The following ZSCAN5A variants were observed in gnomAD, a reference collection of about 807,000 sequenced individuals.
The protein encoded by ZSCAN5A is zinc finger and SCAN domain-containing protein 5A.
A neutral mutation model predicts 23.7 loss-of-function variants in ZSCAN5A; 12 were observed. The ratio of observed to expected loss-of-function variants is 0.51; its 90% CI spans 0.32 to 0.82. The LOEUF is 0.82. ZSCAN5A is among the 40% of genes least tolerant of loss of function. ZSCAN5A has a pLI of 0.03. For missense variants in ZSCAN5A, 597 were observed against 617.9 expected, an observed-to-expected ratio of 0.97 and a Z score of 0.36; for synonymous variants, 257 against 239.9, an observed-to-expected ratio of 1.07 and a Z score of -0.66.
chr19:56,237,465 AG>A (rs1475880033), intron 2 of ZSCAN5A, among the ~76,000 whole-genome samples: 1 of 151,948 alleles, frequency 6.6e-6, no homozygotes, highest in African/African-American at 2.4e-5. Context: ...GTACGTGTTC[AG>A]GGCGGGTTTA....
intron 1 of ZSCAN5A, among the ~76,000 whole-genome samples, chr19:56,313,685 A>C (rs183850739): frequency 6.6e-6 from 1 of 152,230 alleles, no homozygotes; most frequent in African/African-American, 2.4e-5. Context: ...CCAGATGATT[A>C]TATGTCCAGG....
Position 56,225,179 on chromosome 19 carries a change from G to A in ZSCAN5A, c.-127-6C>T. On this transcript the variant is annotated splice_region_variant and splice_polypyrimidine_tract_variant and intron_variant, in intron 2 of 5. Coordinates refer to ENST00000683990, the MANE Select transcript of ZSCAN5A (RefSeq NM_001322064.3). ...TTCACTGTTCATTCAGAAGTCTGGG[G>A]GGGAAAAGTATGAGCCTCATTAGTT... The A allele has an allele frequency of 2.2e-6, 3 of 1,374,838 alleles. No individual in the cohort carries two copies. Among genetic ancestry groups the A allele is most frequent in the Non-Finnish European group, 2.8e-6 (3 of 1,073,014 alleles). The allele number at this position is 1,374,838 out of a possible 1,614,324, so 85.2% of individuals were successfully genotyped here. A position where few individuals can be genotyped will look rare whatever the true frequency, so the allele number is the denominator to read the frequency against.
chr19:56,342,526 A>G, intron 2 of ZSCAN5A: 1 of 353,370 alleles, frequency 2.8e-6, no homozygotes, highest in Admixed American at 3.1e-5. Flanking sequence ...ATCTCCAGGA[A>G]GAATGGACCA....
At chr19:56,268,982 T>C (rs138481335) in intron 2 of ZSCAN5A, among the ~76,000 whole-genome samples, 2,320 of 152,358 alleles carry the variant, frequency 0.015, 25 homozygotes, top group Non-Finnish European at 0.023. Context: ...TACAGTTGAA[T>C]AATATCCTAT....
chr19:56,228,672 G>A (rs1432330902), intron 2 of ZSCAN5A, among the ~76,000 whole-genome samples: 1 of 151,970 alleles, frequency 6.6e-6, no homozygotes, highest in Non-Finnish European at 1.5e-5. Context: ...TCTAGTTTGA[G>A]CAAAGCTCTC....
At chr19:56,346,719 T>G (rs2041636168) in intron 2 of ZSCAN5A, among the ~76,000 whole-genome samples, 1 of 150,576 alleles carries the variant, frequency 6.6e-6, no homozygotes, top group South Asian at 2.1e-4. Context: ...TATTTTTTAT[T>G]TTTTTTTTAG....
chr19:56,351,791 T>C lies in ZSCAN5A; in HGVS notation c.-358+11444A>G, dbSNP rs960647746. 2.6e-5 allele frequency among the ~76,000 whole-genome samples: 4 copies of C among 152,154 alleles called. No individual in the cohort carries two copies. Among genetic ancestry groups the C allele is most frequent in the Non-Finnish European group, 4.4e-5 (3 of 68,018 alleles). On this transcript the variant is annotated intron_variant, in intron 2 of 6. Coordinates refer to the ZSCAN5A transcript ENST00000587340. This position sits in a 1 kb window ranked among gnomAD's most constrained non-coding sequence, Gnocchi z 4.8. ...TTAACCTGTCGCAGAACAAGAAAAG[T>C]GGTGCCGCTAAGATTGCACAGGTGC...
intron 2 of ZSCAN5A, among the ~76,000 whole-genome samples, chr19:56,309,776 G>A (rs967254899): frequency 1.3e-5 from 2 of 152,218 alleles, no homozygotes; most frequent in Non-Finnish European, 2.9e-5. Context: ...GCTCAGGCCC[G>A]GCGCCGGGAC....
At chr19:56,233,706 G>A (rs150125069) in intron 2 of ZSCAN5A, among the ~76,000 whole-genome samples, 2 of 140,786 alleles carry the variant, frequency 1.4e-5, no homozygotes, top group East Asian at 2.2e-4. Context: ...GATACACTAA[G>A]TAAACAAAAC....
At chr19:56,274,257 C>A (rs1384616685) in intron 2 of ZSCAN5A, among the ~76,000 whole-genome samples, 1 of 152,104 alleles carries the variant, frequency 6.6e-6, no homozygotes, top group African/African-American at 2.4e-5. Flanking sequence ...AGCTCAAGAC[C>A]AGCCTGGCCA....
chr19:56,363,285 T>G (rs1395459371), exon 2 of ZSCAN5A: 3 of 152,304 alleles, frequency 2.0e-5, no homozygotes, highest in African/African-American at 7.2e-5. Context: ...GAATTCATCC[T>G]CTTCCTACTT....
chr19:56,222,762 G>C (rs780978212), intron 4 of ZSCAN5A, 21 bp from the exon 5 acceptor site: 3 of 1,614,104 alleles, frequency 1.9e-6, no homozygotes, highest in Non-Finnish European at 2.5e-6. Context: ...AAAACCAAGA[G>C]TAATGACTGC....
rs183972509 is a variant in ZSCAN5A, at chr19:56,303,253, C to G, written c.-128+10030G>C. Among the ~76,000 whole-genome samples the G allele has an allele frequency of 4.6e-5, 7 of 151,960 alleles. No homozygotes were observed. In the South Asian group the frequency reaches 8.3e-4, roughly 18 times the overall value. On this transcript the variant is annotated intron_variant, in intron 2 of 5. Coordinates refer to ENST00000683990, the MANE Select transcript of ZSCAN5A (RefSeq NM_001322064.3). Reference sequence around the variant, plus strand: ...GCAGCACTGTGGGAGGCTGAGGCGGCTGGATCACGAGGTCAGGAGTTCAAG... The same window carrying G: ...GCAGCACTGTGGGAGGCTGAGGCGGGTGGATCACGAGGTCAGGAGTTCAAG...
At chr19:56,247,384 G>C (rs532723558) in intron 2 of ZSCAN5A, 105 of 205,182 alleles carry the variant, frequency 5.1e-4, no homozygotes, top group Non-Finnish European at 7.8e-4. Context: ...CCACTCCGGA[G>C]AGAAACCCTA....
chr19:56,364,686 A>G (rs923684043), intron 1 of ZSCAN5A, among the ~76,000 whole-genome samples: 2 of 152,266 alleles, frequency 1.3e-5, no homozygotes, highest in African/African-American at 2.4e-5. Context: ...CTGGATGTCC[A>G]TTAATGAGTG....
At chr19:56,360,013 C>T (rs1600303451) in intron 2 of ZSCAN5A, among the ~76,000 whole-genome samples, 1 of 152,098 alleles carries the variant, frequency 6.6e-6, no homozygotes, top group Non-Finnish European at 1.5e-5. Flanking sequence ...AAAACGGGCA[C>T]AAGAAAAGGA....
chr19:56,287,196 A>C (rs1471054232), intron 2 of ZSCAN5A, among the ~76,000 whole-genome samples: 1 of 152,194 alleles, frequency 6.6e-6, no homozygotes, highest in Non-Finnish European at 1.5e-5. Flanking sequence ...TTTCCCATCA[A>C]CCTGGAAGTA....
intron 2 of ZSCAN5A, among the ~76,000 whole-genome samples, chr19:56,275,438 T>G (rs1461463521): frequency 6.6e-6 from 1 of 152,204 alleles, no homozygotes; most frequent in Non-Finnish European, 1.5e-5. Context: ...CTCAGGGATA[T>G]TTATCGTATT....
chr19:56,325,571 T>C (rs2041424265), intron 2 of ZSCAN5A, among the ~76,000 whole-genome samples: 1 of 152,120 alleles, frequency 6.6e-6, no homozygotes, highest in Non-Finnish European at 1.5e-5. Flanking sequence ...TGTTGCCAGA[T>C]AGAATGCATC....
Sources: allele counts gnomAD v4.1 joint callset (sites outside exome capture counted in the v4.1 genomes callset), GRCh38; gene constraint gnomAD v4.1.1; non-coding constraint Gnocchi (gnomAD v3.1); transcripts MANE v1.5; gene names NCBI Gene and HGNC (gene_info 2026-07-23, HGNC 2026-07-21).